SHB: variants seen among roughly 807,000 people sequenced by gnomAD.
SHB encodes the protein SH2 domain-containing adapter protein B.
Under a neutral mutation model 52.3 loss-of-function variants are expected in SHB, and 20 were observed. The observed-to-expected ratio is 0.38, with a 90% CI of 0.27 to 0.56. The LOEUF (loss-of-function observed/expected upper bound fraction) is 0.56, where lower values mean the gene tolerates loss of function less well. Among genes scored for constraint, SHB ranks in the 20% least tolerant of loss-of-function variants. The probability of loss-of-function intolerance (pLI) is 0.71; values close to 1 mark genes in which losing one functional copy is unlikely to be tolerated. For missense variants in SHB, 825 were observed against 723.3 expected, an observed-to-expected ratio of 1.14 and a Z score of -1.61; for synonymous variants, 397 against 316.5, an observed-to-expected ratio of 1.25 and a Z score of -2.70.
intron 2 of SHB, among the ~76,000 whole-genome samples, chr9:37,994,832 T>A (rs889678463): frequency 4.6e-5 from 7 of 152,182 alleles, no homozygotes; most frequent in African/African-American, 7.2e-5. Flanking sequence ...CAGTCATGTA[T>A]GCTGCCCTTC....
chr9:38,021,611 T>C (rs959437786), intron 1 of SHB, among the ~76,000 whole-genome samples: 5 of 152,032 alleles, frequency 3.3e-5, no homozygotes, highest in African/African-American at 9.7e-5. Flanking sequence ...GAGGTTGCAG[T>C]TAGCTGAGAT....
At chr9:37,987,291 C>T (rs1237146367) in intron 2 of SHB, among the ~76,000 whole-genome samples, 1 of 152,226 alleles carries the variant, frequency 6.6e-6, no homozygotes, top group Admixed American at 6.5e-5. Flanking sequence ...GCATGCCATC[C>T]AGCTTCTCGT....
intron 5 of SHB, among the ~76,000 whole-genome samples, chr9:37,930,349 A>C (rs1362564841): frequency 6.6e-6 from 1 of 151,124 alleles, no homozygotes; most frequent in Non-Finnish European, 1.5e-5. Flanking sequence ...ATTGCGGAGG[A>C]TTCTCTGGCA....
At chr9:37,989,781 T>C (rs1374933881) in intron 2 of SHB, among the ~76,000 whole-genome samples, 1 of 152,224 alleles carries the variant, frequency 6.6e-6, no homozygotes, top group Non-Finnish European at 1.5e-5. Flanking sequence ...GTTGTTGTTG[T>C]TGCTGTTTTC....
intron 1 of SHB, among the ~76,000 whole-genome samples, chr9:38,038,863 T>C (rs1214444062): frequency 2.6e-5 from 4 of 151,300 alleles, no homozygotes; most frequent in Non-Finnish European, 5.9e-5. Flanking sequence ...CAAGGAGAAG[T>C]AGGGAAAGGC....
chr9:38,053,130 T>A (rs765723721), intron 1 of SHB, among the ~76,000 whole-genome samples: 2 of 152,158 alleles, frequency 1.3e-5, no homozygotes, highest in African/African-American at 4.8e-5. Flanking sequence ...CTGTGTAACA[T>A]AGACTGACTG....
intron 3 of SHB, among the ~76,000 whole-genome samples, chr9:37,974,041 G>C (rs1820623629): frequency 6.6e-6 from 1 of 152,164 alleles, no homozygotes; most frequent in African/African-American, 2.4e-5. Flanking sequence ...GATCACCTGA[G>C]GTCAGGAGTT....
intron 3 of SHB, among the ~76,000 whole-genome samples, chr9:37,960,301 T>C (rs1301890872): frequency 6.6e-6 from 1 of 152,266 alleles, no homozygotes; most frequent in African/African-American, 2.4e-5. Context: ...CAATTTAACA[T>C]GGCAATTCTT....
At chr9:38,067,786 A>C in intron 1 of SHB, 143 bp downstream of exon 1, 2 of 909,070 alleles carry the variant, frequency 2.2e-6, no homozygotes, top group South Asian at 2.3e-5. Flanking sequence ...AGGAGGCAGA[A>C]GCGGGAAGCA....
At chr9:38,054,200 G>A (rs959096462) in intron 1 of SHB, among the ~76,000 whole-genome samples, 2 of 152,216 alleles carry the variant, frequency 1.3e-5, no homozygotes, top group African/African-American at 4.8e-5. Context: ...GGACACACTT[G>A]GGTTCTGCTG....
At chr9:38,018,371 A>C (rs1312645150) in intron 1 of SHB, among the ~76,000 whole-genome samples, 1 of 152,204 alleles carries the variant, frequency 6.6e-6, no homozygotes, top group Non-Finnish European at 1.5e-5. Context: ...TCAGGCTGTC[A>C]TGGAGCTGCG....
At chr9:37,926,947 A>G (rs896749152) in intron 5 of SHB, among the ~76,000 whole-genome samples, 9 of 152,216 alleles carry the variant, frequency 5.9e-5, no homozygotes, top group African/African-American at 2.2e-4. Flanking sequence ...GGCATGGCTG[A>G]GAAGACCTTA....
chr9:38,021,111 G>A lies in SHB; in HGVS notation c.718-4980C>T, dbSNP rs528511375. 2.0e-5 allele frequency among the ~76,000 whole-genome samples: 3 copies of A among 152,328 alleles called. No homozygotes were observed. In the South Asian group the frequency reaches 6.2e-4, roughly 32 times the overall value. On this transcript the variant is annotated intron_variant, in intron 1 of 5. Coordinates refer to ENST00000377707, the MANE Select transcript of SHB (RefSeq NM_003028.3). The stretch of plus-strand genomic sequence containing the variant: ...CCAGCATTTTGGGAGGCCGAGGCGG[G>A]CGGATTACCTGAGGTCAGCAGTTCG...
intron 1 of SHB, among the ~76,000 whole-genome samples, chr9:38,064,153 C>T (rs1273152224): frequency 6.6e-6 from 1 of 150,608 alleles, no homozygotes; most frequent in Non-Finnish European, 1.5e-5. Context: ...ATTCCAGTTT[C>T]GTTTTCTCAT....
chr9:37,941,114 G>C (rs1832429438), intron 5 of SHB, among the ~76,000 whole-genome samples: 1 of 152,136 alleles, frequency 6.6e-6, no homozygotes, highest in African/African-American at 2.4e-5. Flanking sequence ...TCCAGCTGTA[G>C]CCAATAAAAT....
rs188204616 is a variant in SHB at position 37,978,570 on chromosome 9, G to C, written c.839-3733C>G. Among the ~76,000 whole-genome samples the C allele has an allele frequency of 1.7e-4, 26 of 152,342 alleles. No homozygotes were observed. In the East Asian group the frequency reaches 4.6e-3, roughly 27 times the overall value. ...GTAAAATGCAAGATTGTTTATGTGT[G>C]GGGGGCAAAGTATAACGCAGGCTTT... On this transcript the variant is annotated intron_variant, in intron 2 of 5. Coordinates refer to ENST00000377707, the MANE Select transcript of SHB (RefSeq NM_003028.3).
In SHB at chr9:37,917,710, C is replaced by T. The variant is rs932686524; in HGVS notation, c.*2111G>A. Among the ~76,000 whole-genome samples, 3 of 152,228 alleles carry T rather than the reference C, an allele frequency of 2.0e-5. No individual in the cohort carries two copies. Among genetic ancestry groups the T allele is most frequent in the Non-Finnish European group, 1.5e-5 (1 of 68,036 alleles). On this transcript the variant is annotated 3_prime_UTR_variant, in exon 6 of 6. Transcript: ENST00000377707. ...CACTCCCCCAAAGGAAAGCACGAAT[C>T]GTTCCAGGGTGTCCCTGCCTTCCTC...
chr9:38,042,916 C>T (rs958964317), intron 1 of SHB, among the ~76,000 whole-genome samples: 2 of 152,160 alleles, frequency 1.3e-5, no homozygotes, highest in Non-Finnish European at 2.9e-5. Context: ...AGTCTCTGGC[C>T]ATGCTCTAGG....
chr9:38,065,933 A>T (rs951734010), intron 1 of SHB, among the ~76,000 whole-genome samples: 1 of 151,956 alleles, frequency 6.6e-6, no homozygotes, highest in Non-Finnish European at 1.5e-5. Context: ...CCCTGCCTCC[A>T]AGGTGCACTC....
Sources: gnomAD v4.1 joint callset for allele counts (sites outside exome capture counted in the v4.1 genomes callset) on GRCh38, gnomAD v4.1.1 for gene constraint, MANE v1.5 for transcripts, NCBI Gene and HGNC (gene_info 2026-07-23, HGNC 2026-07-21) for gene names.